SMIM35: variants seen among roughly 807,000 people sequenced by gnomAD.
SMIM35 encodes TMPRSS4 antisense RNA 1 (non-protein coding).
chr11:118,045,330 G>GCACACACACACACACACACACACA (rs34102097), intron 1 of SMIM35, among the ~76,000 whole-genome samples: 80 of 146,122 alleles, frequency 5.5e-4, no homozygotes, highest in East Asian at 4.9e-3. Context: ...ATACACACAT[G>GCACACACACACACACACACACACA]CACACACACA....
chr11:118,018,002 G>A (rs775196744), intron 1 of SMIM35, among the ~76,000 whole-genome samples: 1 of 152,192 alleles, frequency 6.6e-6, no homozygotes, highest in Non-Finnish European at 1.5e-5. Context: ...TTCAAGATGA[G>A]ATCTGGGTGA....
chr11:118,014,868 A>G (rs1434344169), intron 2 of SMIM35, 127 bp from the exon 3 acceptor site: 1 of 396,398 alleles, frequency 2.5e-6, no homozygotes, highest in Non-Finnish European at 4.4e-6. Context: ...GGACCTCAGG[A>G]TGGTGTGGGA....
intron 1 of SMIM35, among the ~76,000 whole-genome samples, chr11:118,038,692 C>CAA (rs548166521): frequency 1.5e-5 from 2 of 136,440 alleles, no homozygotes; most frequent in South Asian, 4.7e-4. Context: ...TAACAGAAAG[C>CAA]AAAAAAACAA....
At chr11:118,083,910 C>A (rs1470529638) in intron 1 of SMIM35, among the ~76,000 whole-genome samples, 1 of 151,884 alleles carries the variant, frequency 6.6e-6, no homozygotes. Flanking sequence ...TGGTGGCAGA[C>A]GCCTGTAATC....
chr11:118,054,187 GT>G, intron 1 of SMIM35, among the ~76,000 whole-genome samples: 1 of 145,502 alleles, frequency 6.9e-6, no homozygotes, highest in Non-Finnish European at 1.5e-5. Flanking sequence ...GTTTGTTCTT[GT>G]TTTTTTGTTT....
At chr11:118,066,299 G>A (rs1464464013) in intron 1 of SMIM35, among the ~76,000 whole-genome samples, 3 of 152,074 alleles carry the variant, frequency 2.0e-5, no homozygotes, top group African/African-American at 7.2e-5. Flanking sequence ...ATGTGAAATT[G>A]CTCTGCCCTC....
intron 1 of SMIM35, among the ~76,000 whole-genome samples, chr11:118,034,015 C>A (rs998143740): frequency 6.6e-6 from 1 of 152,208 alleles, no homozygotes; most frequent in African/African-American, 2.4e-5. Context: ...CTCCTGTAAT[C>A]CCTACACTTT....
intron 1 of SMIM35, among the ~76,000 whole-genome samples, chr11:118,070,114 T>C (rs543783118): frequency 1.1e-4 from 16 of 152,322 alleles, no homozygotes; most frequent in African/African-American, 3.8e-4. Flanking sequence ...ATTATCCGGA[T>C]ACTGAGAAAA....
At chr11:118,040,201 G>A (rs1163682123) in intron 1 of SMIM35, among the ~76,000 whole-genome samples, 1 of 152,094 alleles carries the variant, frequency 6.6e-6, no homozygotes, top group Non-Finnish European at 1.5e-5. Flanking sequence ...GGGCAACAGG[G>A]CAAGACTCTG....
intron 1 of SMIM35, among the ~76,000 whole-genome samples, chr11:118,037,447 G>A (rs1461583162): frequency 6.6e-6 from 1 of 152,192 alleles, no homozygotes; most frequent in African/African-American, 2.4e-5. Context: ...GCATCCATTG[G>A]CTGAGGGGGC....
chr11:118,058,282 G>A lies in SMIM35; in HGVS notation c.7+28469C>T, dbSNP rs372570938. On this transcript the variant is annotated intron_variant, in intron 1 of 4. Coordinates refer to ENST00000689828, the MANE Select transcript of SMIM35 (RefSeq NM_001394165.1). ...CTTCCCTGCAGCCCCCACGGTAATT[G>A]GCTGTCTCCTCTTCCTGGGCTCACC... is the stretch of plus-strand genomic sequence containing the variant. Among the ~76,000 whole-genome samples the A allele has an allele frequency of 3.0e-4, 46 of 152,248 alleles. No homozygotes were observed. In the South Asian group the frequency reaches 9.5e-3, roughly 32 times the overall value.
rs2058175175 is a variant in SMIM35, at chr11:118,015,503, T to C, written c.124+190A>G. ...GGAGCCCCCATTCCCTCGATAAAAGTACCATTGCCCCACCTCACCACCTCA... is the reference window on the plus strand; with the variant it reads ...GGAGCCCCCATTCCCTCGATAAAAGCACCATTGCCCCACCTCACCACCTCA... On this transcript the variant is annotated intron_variant, in intron 2 of 4. Transcript: ENST00000689828. Among the ~76,000 whole-genome samples the C allele has an allele frequency of 2.0e-5, 3 of 151,952 alleles. No homozygotes were observed. The South Asian group carries it at 6.2e-4, about 32-fold the overall frequency.
intron 2 of SMIM35, 79 bp downstream of exon 2, chr11:118,015,614 C>A: frequency 2.5e-6 from 1 of 399,170 alleles, no homozygotes. Flanking sequence ...GAGTTTGCAG[C>A]CCTGCCGGGC....
At chr11:118,061,109 C>T (rs989647292) in intron 1 of SMIM35, among the ~76,000 whole-genome samples, 2 of 152,154 alleles carry the variant, frequency 1.3e-5, no homozygotes, top group Non-Finnish European at 1.5e-5. Context: ...AAACGGGACA[C>T]CTTGCACTGC....
At position 118,080,681 on chromosome 11, in the gene SMIM35, C is replaced by A. The variant is rs538233556; in HGVS notation, c.7+6070G>T. On this transcript the variant is annotated intron_variant, in intron 1 of 4. Transcript: ENST00000689828. ...AATGTAAGAAATGAGGAGAGACCAG[C>A]TCAAGGGGGTCATGGGTAGAGGGAG... is the stretch of plus-strand genomic sequence containing the variant. Among the ~76,000 whole-genome samples the A allele has an allele frequency of 2.0e-5, 3 of 152,284 alleles. No homozygotes were observed. In the East Asian group the frequency reaches 5.8e-4, roughly 29 times the overall value.
intron 1 of SMIM35, among the ~76,000 whole-genome samples, chr11:118,049,003 T>C (rs550979975): frequency 2.1e-5 from 3 of 144,508 alleles, no homozygotes; most frequent in South Asian, 4.3e-4. Flanking sequence ...ATAATCATAA[T>C]GTACTACTTT....
At chr11:118,051,147 G>C (rs1944206457) in intron 1 of SMIM35, among the ~76,000 whole-genome samples, 1 of 152,196 alleles carries the variant, frequency 6.6e-6, no homozygotes, top group Non-Finnish European at 1.5e-5. Flanking sequence ...TATTCTAACT[G>C]GTGGCACAAG....
intron 1 of SMIM35, among the ~76,000 whole-genome samples, chr11:118,042,309 C>A (rs638415): frequency 0.81 from 122,480 of 151,898 alleles, 49,802 homozygotes; most frequent in East Asian, 0.93. Context: ...CAGAAACAAA[C>A]ATAATAAGAA....
intron 1 of SMIM35, among the ~76,000 whole-genome samples, chr11:118,034,202 GA>G (rs2058340578): frequency 1.5e-4 from 1 of 6,746 alleles, no homozygotes; most frequent in African/African-American, 2.5e-4. Context: ...CCAGTAGATG[GA>G]TGGAGGTTGC....
Sources: allele counts gnomAD v4.1 joint callset (sites outside exome capture counted in the v4.1 genomes callset), GRCh38; gene constraint gnomAD v4.1.1; transcripts MANE v1.5; gene names NCBI Gene and HGNC (gene_info 2026-07-23, HGNC 2026-07-21).